Variants in SLC39A11 observed in about 807,000 individuals in gnomAD.
SLC39A11 encodes zinc transporter ZIP11.
In SLC39A11, 33 loss-of-function variants were observed where a neutral mutation model predicts 36.1. The ratio of observed to expected loss-of-function variants is 0.91; its 90% CI spans 0.69 to 1.22. SLC39A11 has a LOEUF of 1.22. Among genes scored for constraint, SLC39A11 ranks in the 50% most tolerant of loss-of-function variants. The pLI, the probability that SLC39A11 is intolerant of heterozygous loss-of-function variation, is 0.00. For synonymous variants in SLC39A11, 166 were observed against 170.3 expected, an observed-to-expected ratio of 0.97 and a Z score of 0.20; for missense variants, 432 against 430.3, an observed-to-expected ratio of 1.00 and a Z score of -0.03.
At chr17:72,780,015 C>A (rs12450445) in intron 6 of SLC39A11, among the ~76,000 whole-genome samples, 69,382 of 152,070 alleles carry the variant, frequency 0.46, 19,621 homozygotes, top group Non-Finnish European at 0.64. Flanking sequence ...ATAAGGCCTG[C>A]AGGGAACTCA....
chr17:73,005,873 C>T (rs1247583257), intron 4 of SLC39A11, among the ~76,000 whole-genome samples: 1 of 152,114 alleles, frequency 6.6e-6, no homozygotes, highest in African/African-American at 2.4e-5. Context: ...ATCGCTTGAA[C>T]CTGGGAGGTG....
At chr17:72,697,323 T>C (rs2072352338) in intron 7 of SLC39A11, among the ~76,000 whole-genome samples, 1 of 152,228 alleles carries the variant, frequency 6.6e-6, no homozygotes, top group Admixed American at 6.5e-5. Context: ...ACTCAAGTGA[T>C]CTGCCCACCT....
At chr17:72,838,203 A>T in intron 6 of SLC39A11, 1 of 393,488 alleles carries the variant, frequency 2.5e-6, no homozygotes, top group Non-Finnish European at 4.5e-6. Flanking sequence ...AAACCACTGA[A>T]TTGTGAAATT....
chr17:72,765,210 G>A (rs1211406160), intron 6 of SLC39A11, among the ~76,000 whole-genome samples: 1 of 152,114 alleles, frequency 6.6e-6, no homozygotes, highest in Admixed American at 6.5e-5. Context: ...CTGGCCTTTT[G>A]AGGTGTCTTT....
At chr17:72,957,860 T>G (rs1288801349) in intron 4 of SLC39A11, among the ~76,000 whole-genome samples, 1 of 150,780 alleles carries the variant, frequency 6.6e-6, no homozygotes, top group Non-Finnish European at 1.5e-5. Flanking sequence ...CGTGATGGCT[T>G]GCGCCTATAA....
intron 4 of SLC39A11, among the ~76,000 whole-genome samples, chr17:72,979,255 T>C (rs1328896028): frequency 6.6e-6 from 1 of 152,162 alleles, no homozygotes; most frequent in Non-Finnish European, 1.5e-5. Context: ...ATTGTAACTT[T>C]CCTGAGGGCT....
intron 3 of SLC39A11, among the ~76,000 whole-genome samples, chr17:73,047,027 AT>A (rs367548823): frequency 4.3e-4 from 60 of 137,994 alleles, no homozygotes; most frequent in African/African-American, 9.5e-4. Flanking sequence ...TATTTTATTT[AT>A]TTTTTTTTTT....
At chr17:72,776,713 T>C (rs1331841509) in intron 6 of SLC39A11, among the ~76,000 whole-genome samples, 1 of 96,538 alleles carries the variant, frequency 1.0e-5, no homozygotes, top group Non-Finnish European at 1.9e-5. Flanking sequence ...AGCGGCATTA[T>C]ATATATACCC....
intron 6 of SLC39A11, among the ~76,000 whole-genome samples, chr17:72,827,981 G>A (rs1475891293): frequency 3.3e-5 from 5 of 152,220 alleles, no homozygotes; most frequent in African/African-American, 4.8e-5. Context: ...GAGGCTTCAC[G>A]TGGGCAAGGA....
chr17:72,731,170 T>C lies in SLC39A11; in HGVS notation c.671+5480A>G, dbSNP rs533680814. Among the ~76,000 whole-genome samples, 15 of 152,348 alleles carry C rather than the reference T, an allele frequency of 9.8e-5. No homozygotes were observed. In the East Asian group the frequency reaches 2.5e-3, roughly 25 times the overall value. ...GCCATCTGGAATTCTAAGAGAAAGT[T>C]TGGCAGCTTCTACTCTAGAATGGCA... On this transcript the variant is annotated intron_variant, in intron 7 of 9. Coordinates refer to ENST00000255559, the MANE Select transcript of SLC39A11 (RefSeq NM_139177.4).
intron 4 of SLC39A11, among the ~76,000 whole-genome samples, chr17:72,999,435 C>T (rs1345708398): frequency 1.3e-5 from 2 of 152,248 alleles, no homozygotes; most frequent in African/African-American, 4.8e-5. Context: ...GCTTAGCACT[C>T]TGCAGGGAAA....
chr17:72,980,236 T>C (rs1048754218), intron 4 of SLC39A11, among the ~76,000 whole-genome samples: 6 of 152,154 alleles, frequency 3.9e-5, no homozygotes, highest in African/African-American at 9.7e-5. Flanking sequence ...ACAAAATCAA[T>C]AGCTTTTCTA....
intron 5 of SLC39A11, among the ~76,000 whole-genome samples, chr17:72,878,791 A>T (rs2081048038): frequency 6.6e-6 from 1 of 152,170 alleles, no homozygotes. Context: ...ATTCAATTCA[A>T]TCCAGACACT....
rs565885813 is a variant in SLC39A11 at position 72,951,301 on chromosome 17, T to C, written c.307-3426A>G. On this transcript the variant is annotated intron_variant, in intron 4 of 9. Transcript: ENST00000255559. ...AAAGCCAGCAAAATGTCAATAGTGC[T>C]GAGCTTCAGATACCTGCTTTAGAAA... Among the ~76,000 whole-genome samples, 44 of 149,276 alleles carry C rather than the reference T, an allele frequency of 2.9e-4. 1 individual carries two copies. The South Asian group carries it at 9.4e-3, about 32-fold the overall frequency.
chr17:72,823,918 TG>T (rs2077904644), intron 6 of SLC39A11: 1 of 151,266 alleles, frequency 6.6e-6, no homozygotes, highest in East Asian at 1.9e-4. Flanking sequence ...TCCTTGAACT[TG>T]GTAATGAATA....
chr17:72,771,121 A>C (rs1255256090), intron 6 of SLC39A11, among the ~76,000 whole-genome samples: 3 of 151,212 alleles, frequency 2.0e-5, no homozygotes, highest in African/African-American at 7.3e-5. Context: ...GCAGCGGCTC[A>C]CGCCTCTAAT....
intron 4 of SLC39A11, among the ~76,000 whole-genome samples, chr17:72,965,548 G>A (rs552284778): frequency 1.2e-4 from 19 of 152,332 alleles, no homozygotes; most frequent in Middle Eastern, 3.4e-3. Context: ...TTGCCCAACT[G>A]CAGGCTAATG....
intron 6 of SLC39A11, among the ~76,000 whole-genome samples, chr17:72,738,452 G>A (rs772904338): frequency 6.6e-5 from 10 of 152,170 alleles, no homozygotes; most frequent in Admixed American, 1.3e-4. Context: ...GGGTTTTCAC[G>A]TCCTTTCCTG....
At chr17:73,020,672 GTTTCTTTCTTTTTTTTTTTTTTTTTTT>G (rs1267883522) in intron 4 of SLC39A11, among the ~76,000 whole-genome samples, 1 of 85,254 alleles carries the variant, frequency 1.2e-5, no homozygotes, top group Non-Finnish European at 2.4e-5. Flanking sequence ...GGGTCTTTTT[GTTTCTTTCTTTTTTTTTTTTTTTTTTT>G]TTGAGACGGA....
Sources: allele counts gnomAD v4.1 joint callset (sites outside exome capture counted in the v4.1 genomes callset), GRCh38; gene constraint gnomAD v4.1.1; transcripts MANE v1.5; gene names NCBI Gene and HGNC (gene_info 2026-07-23, HGNC 2026-07-21).